SLC17A5: variants seen among roughly 807,000 people sequenced by gnomAD.
SLC17A5 encodes solute carrier family 17 member 5.
Under a neutral mutation model 59.4 loss-of-function variants are expected in SLC17A5, and 47 were observed. The ratio of observed to expected loss-of-function variants is 0.79; its 90% CI spans 0.63 to 1.01. The LOEUF (loss-of-function observed/expected upper bound fraction) is 1.01, where lower values mean the gene tolerates loss of function less well. Among genes scored for constraint, SLC17A5 ranks in the 50% least tolerant of loss-of-function variants. The probability of loss-of-function intolerance (pLI) is 0.00; values close to 1 mark genes in which losing one functional copy is unlikely to be tolerated. For missense variants in SLC17A5, 522 were observed against 595.5 expected (o/e 0.88, Z 1.28); for synonymous variants, 202 against 210.7 (o/e 0.96, Z 0.36).
Position 73,600,414 on chromosome 6 carries a change from T to C in SLC17A5, c.1287A>G (p.Thr429=). The C allele has an allele frequency of 6.2e-7, 1 of 1,614,082 alleles. No homozygotes were observed. Among genetic ancestry groups the C allele is most frequent in the Non-Finnish European group, 8.5e-7 (1 of 1,179,950 alleles). Residue 429 remains threonine (T), a synonymous_variant, in exon 10 of 11, where the codon ACA becomes ACG. Coordinates refer to ENST00000355773, the MANE Select transcript of SLC17A5 (RefSeq NM_012434.5). ...PSYAGILLGI[T]NTFATIPGMV... ...TTCCTGGAATAGTGGCAAATGTATT[T>C]GTGATGCCCAGGAGGATACCAGCAT...
intron 9 of SLC17A5, among the ~76,000 whole-genome samples, chr6:73,602,008 T>G (rs1303137165): frequency 6.6e-6 from 1 of 151,666 alleles, no homozygotes; most frequent in Admixed American, 6.6e-5. Context: ...GGGGGAAAGG[T>G]GGGGAAAAGA....
At chr6:73,611,583 T>C (rs540683253) in intron 8 of SLC17A5, among the ~76,000 whole-genome samples, 1 of 116,472 alleles carries the variant, frequency 8.6e-6, no homozygotes, top group Non-Finnish European at 1.7e-5. Context: ...CCGGCCTTGG[T>C]TTTTTTTTTT....
chr6:73,616,252 C>T (rs1767858516), intron 7 of SLC17A5, among the ~76,000 whole-genome samples: 1 of 152,098 alleles, frequency 6.6e-6, no homozygotes, highest in Non-Finnish European at 1.5e-5. Context: ...GAAGACACTT[C>T]ATGGTCCTAG....
At chr6:73,646,577 G>T (rs146390234) in intron 1 of SLC17A5, among the ~76,000 whole-genome samples, 1 of 152,084 alleles carries the variant, frequency 6.6e-6, no homozygotes, top group Non-Finnish European at 1.5e-5. Flanking sequence ...GAATCTAGGC[G>T]AATTTGCTTT....
intron 6 of SLC17A5, among the ~76,000 whole-genome samples, chr6:73,624,805 G>C (rs189743644): frequency 8.7e-4 from 133 of 152,132 alleles, no homozygotes; most frequent in African/African-American, 3.1e-3. Flanking sequence ...CTCAGGGAGC[G>C]GAGGTTGCAG....
chr6:73,633,092 C>T (rs933786786), intron 6 of SLC17A5, among the ~76,000 whole-genome samples: 8 of 152,086 alleles, frequency 5.3e-5, no homozygotes, highest in African/African-American at 1.9e-4. Context: ...CTTAAGCAGT[C>T]CCCTTGCCTC....
chr6:73,610,610 A>G, intron 8 of SLC17A5, 63 bp from the exon 9 acceptor site: 1 of 1,575,946 alleles, frequency 6.3e-7, no homozygotes, highest in Non-Finnish European at 8.7e-7. Flanking sequence ...CTACCTTAAT[A>G]TGGTATAAAT....
intron 3 of SLC17A5, among the ~76,000 whole-genome samples, chr6:73,638,866 A>T (rs1244287929): frequency 6.6e-6 from 1 of 152,168 alleles, no homozygotes; most frequent in Non-Finnish European, 1.5e-5. Flanking sequence ...TTAAGACAAC[A>T]AGATAAGGGT....
At chr6:73,653,427 G>T in intron 1 of SLC17A5, 8 of 985,346 alleles carry the variant, frequency 8.1e-6, no homozygotes, top group Non-Finnish European at 9.6e-6. Context: ...CTCCCAGTTC[G>T]TTCTTCCACT....
At chr6:73,618,651 TA>T in intron 7 of SLC17A5, 1 of 345,676 alleles carries the variant, frequency 2.9e-6, no homozygotes, top group Non-Finnish European at 5.6e-6. Context: ...ACATTTTAGA[TA>T]AAAGATTTAA....
chr6:73,630,393 A>G (rs5007648), intron 6 of SLC17A5, among the ~76,000 whole-genome samples: 24,890 of 152,208 alleles, frequency 0.16, 3,147 homozygotes, highest in African/African-American at 0.35. Flanking sequence ...ATTTCTACCT[A>G]TAAGTACTGA....
In SLC17A5 at chr6:73,615,424, A is replaced by G. The variant is rs761411937; in HGVS notation, c.1002T>C (p.Pro334=). 6.2e-7 allele frequency: 1 copy of G among 1,614,114 alleles called. No individual in the cohort carries two copies. Among genetic ancestry groups the G allele is most frequent in the South Asian group, 1.1e-5 (1 of 91,084 alleles). Residue 334 remains proline, a synonymous_variant, in exon 8 of 11, where the codon CCT becomes CCC. Transcript: ENST00000355773. ...TCATACATAACCAAGAGCCTAAATA[A>G]GGCAATGAAGATAAAAACCCATTCT... ...VQENGFLSSL[P]YLGSWLCMIL...
chr6:73,613,154 A>G (rs1198494086), intron 8 of SLC17A5, among the ~76,000 whole-genome samples: 4 of 152,196 alleles, frequency 2.6e-5, no homozygotes, highest in Non-Finnish European at 4.4e-5. Flanking sequence ...ATGCTAGTAA[A>G]TATTTTTGGA....
intron 3 of SLC17A5, among the ~76,000 whole-genome samples, chr6:73,641,100 G>A (rs1387760258): frequency 6.6e-6 from 1 of 151,584 alleles, no homozygotes; most frequent in Non-Finnish European, 1.5e-5. Flanking sequence ...TTTTTCTTTT[G>A]AGATGGAGAC....
chr6:73,632,934 GA>G (rs2150110360), intron 6 of SLC17A5, among the ~76,000 whole-genome samples: 1 of 152,040 alleles, frequency 6.6e-6, no homozygotes, highest in East Asian at 1.9e-4. Flanking sequence ...TCCTTAAGGG[GA>G]AAAAAGTGGG....
intron 9 of SLC17A5, among the ~76,000 whole-genome samples, chr6:73,600,749 C>T (rs1164083982): frequency 2.6e-5 from 4 of 152,260 alleles, no homozygotes; most frequent in Non-Finnish European, 5.9e-5. Context: ...GATCTGCCTG[C>T]CTCGGCCTCC....
chr6:73,608,706 T>C (rs560797), intron 9 of SLC17A5, among the ~76,000 whole-genome samples: 60,110 of 152,022 alleles, frequency 0.4, 12,390 homozygotes, highest in African/African-American at 0.49. Flanking sequence ...TATTCGTCAA[T>C]CCTAGGCTTG....
intron 9 of SLC17A5, 50 bp downstream of exon 9, chr6:73,610,349 TA>T (rs1561988066): frequency 1.2e-6 from 2 of 1,605,450 alleles, no homozygotes; most frequent in South Asian, 2.2e-5. Flanking sequence ...TCAGGATTTT[TA>T]AAAATATAAT....
chr6:73,645,342 T>TA (rs1769487102), intron 1 of SLC17A5: 2 of 985,322 alleles, frequency 2.0e-6, no homozygotes, highest in Non-Finnish European at 2.4e-6. Flanking sequence ...GATTAATACT[T>TA]AAAGCCATCG....
Sources: gnomAD v4.1 joint callset for allele counts (sites outside exome capture counted in the v4.1 genomes callset) on GRCh38, gnomAD v4.1.1 for gene constraint, MANE v1.5 for transcripts, NCBI Gene and HGNC (gene_info 2026-07-23, HGNC 2026-07-21) for gene names.